The following ZBED6 variants were observed in gnomAD, a reference collection of about 807,000 sequenced individuals.
The protein encoded by ZBED6 is zinc finger BED-type containing 6, also known as zinc finger BED domain-containing protein 6.
Under a neutral mutation model 58.4 loss-of-function variants are expected in ZBED6, and 40 were observed. The ratio of observed to expected loss-of-function variants is 0.68; its 90% CI spans 0.53 to 0.89. The LOEUF is 0.89. Ranked by LOEUF, ZBED6 falls within the 40% of genes least tolerant of loss-of-function variation. The pLI, the probability that ZBED6 is intolerant of heterozygous loss-of-function variation, is 0.00. For missense variants in ZBED6, 1,057 were observed against 1,003.9 expected (o/e 1.05, Z -0.71); for synonymous variants, 439 against 350.6 (o/e 1.25, Z -2.82).
exon 17 of ZBED6, chr1:203,853,924 C>T (rs371833035): frequency 4.4e-4 from 67 of 152,674 alleles, no homozygotes; most frequent in African/African-American, 1.5e-3. Flanking sequence ...CTACTTATTT[C>T]GTTTTTGGAA....
intron 1 of ZBED6, among the ~76,000 whole-genome samples, chr1:203,807,331 G>A (rs1282006132): frequency 4.6e-5 from 7 of 152,098 alleles, no homozygotes; most frequent in African/African-American, 1.2e-4. Context: ...TTTTGCCCAG[G>A]TTGGAATACA....
chr1:203,799,145 A>C, exon 1 of ZBED6: 1 of 1,493,314 alleles, frequency 6.7e-7, no homozygotes, highest in Non-Finnish European at 9.0e-7. Context: ...ATATTTTACA[A>C]GAATTAAATG....
chr1:203,806,976 AT>A (rs1312321909), intron 1 of ZBED6, among the ~76,000 whole-genome samples: 6 of 151,918 alleles, frequency 3.9e-5, no homozygotes, highest in African/African-American at 1.4e-4. Context: ...TCTAGTAAAT[AT>A]AATGAGTTTC....
chr1:203,836,741 A>T (rs542667377), intron 9 of ZBED6, among the ~76,000 whole-genome samples: 1 of 152,236 alleles, frequency 6.6e-6, no homozygotes, highest in African/African-American at 2.4e-5. Flanking sequence ...TTCCCACTGC[A>T]CTCCAGCCTG....
chr1:203,828,903 T>C (rs1681397292), intron 4 of ZBED6, among the ~76,000 whole-genome samples: 1 of 152,240 alleles, frequency 6.6e-6, no homozygotes, highest in Admixed American at 6.5e-5. Flanking sequence ...TTGCCAACCC[T>C]ACTCTAGACT....
At chr1:203,804,917 C>T (rs1671764464) in intron 1 of ZBED6, among the ~76,000 whole-genome samples, 1 of 151,710 alleles carries the variant, frequency 6.6e-6, no homozygotes, top group Non-Finnish European at 1.5e-5. Flanking sequence ...AGGTGATCTG[C>T]CCAACTCGGC....
intron 3 of ZBED6, among the ~76,000 whole-genome samples, chr1:203,822,923 T>TA (rs768942367): frequency 2.6e-5 from 4 of 152,230 alleles, no homozygotes; most frequent in Admixed American, 6.5e-5. Context: ...TGAGACTAAA[T>TA]ATGCAGTTCA....
chr1:203,817,033 T>C (rs373200587), exon 2 of ZBED6: 500 of 1,558,568 alleles, frequency 3.2e-4, no homozygotes, highest in Non-Finnish European at 4.2e-4. Flanking sequence ...CAGTGGCTTG[T>C]TTCAAGAAGC....
chr1:203,844,139 G>C (rs915039410), intron 11 of ZBED6, among the ~76,000 whole-genome samples: 5 of 151,992 alleles, frequency 3.3e-5, no homozygotes, highest in Non-Finnish European at 7.4e-5. Flanking sequence ...TTACAGGCGT[G>C]AGCCACTGTG....
At chr1:203,837,554 C>T (rs1327321378) in intron 9 of ZBED6, among the ~76,000 whole-genome samples, 1 of 151,506 alleles carries the variant, frequency 6.6e-6, no homozygotes, top group African/African-American at 2.4e-5. Context: ...CTCACTGTAG[C>T]CTTTCTACCT....
intron 3 of ZBED6, among the ~76,000 whole-genome samples, chr1:203,826,130 C>CTAATGTAGACATAATGTA (rs1680434841): frequency 3.3e-5 from 5 of 152,110 alleles, no homozygotes; most frequent in Non-Finnish European, 7.4e-5. Context: ...ATTGTTATTC[C>CTAATGTAGACATAATGTA]TGTCTAAAAA....
chr1:203,833,694 T>G (rs1017480577), intron 8 of ZBED6, 97 bp from the exon 9 acceptor site: 66 of 944,022 alleles, frequency 7.0e-5, no homozygotes, highest in Admixed American at 1.5e-4. Flanking sequence ...TCTGGGTGGA[T>G]TTACACTAAT....
chr1:203,797,632 C>T (rs1558085648), exon 1 of ZBED6: 11 of 1,535,824 alleles, frequency 7.2e-6, no homozygotes, highest in Non-Finnish European at 8.7e-6. Flanking sequence ...AATTCTAATA[C>T]AGATGAAGAA....
At chr1:203,828,905 C>T (rs921552180) in intron 4 of ZBED6, among the ~76,000 whole-genome samples, 3 of 152,310 alleles carry the variant, frequency 2.0e-5, no homozygotes, top group African/African-American at 7.2e-5. Context: ...GCCAACCCTA[C>T]TCTAGACTAT....
intron 8 of ZBED6, 145 bp from the exon 9 acceptor site, chr1:203,833,646 G>A: frequency 3.1e-6 from 1 of 319,754 alleles, no homozygotes; most frequent in East Asian, 5.5e-5. Flanking sequence ...TGATATAATG[G>A]CCTTCCTTAA....
exon 17 of ZBED6, chr1:203,852,407 A>G (rs760611223): frequency 6.2e-7 from 1 of 1,611,922 alleles, no homozygotes; most frequent in East Asian, 2.2e-5. Context: ...TGAAGGTGGT[A>G]GTGAGGACAC....
At chr1:203,796,032 C>G (rs1226958568) in exon 1 of ZBED6, 6 of 146,244 alleles carry the variant, frequency 4.1e-5, no homozygotes, top group Admixed American at 4.1e-4. Flanking sequence ...CTCCCCACCC[C>G]CACCCCGTTC....
intron 3 of ZBED6, among the ~76,000 whole-genome samples, chr1:203,822,416 A>G (rs1316037015): frequency 6.6e-6 from 1 of 151,750 alleles, no homozygotes; most frequent in Non-Finnish European, 1.5e-5. Flanking sequence ...GGACCCCAAC[A>G]TCCTACTTTT....
chr1:203,837,493 G>C (rs146617161), intron 9 of ZBED6, among the ~76,000 whole-genome samples: 1 of 146,444 alleles, frequency 6.8e-6, no homozygotes, highest in Non-Finnish European at 1.5e-5. Context: ...TTGCTGTATC[G>C]CCCAGGCAGG....
Sources: gnomAD v4.1 joint callset for allele counts (sites outside exome capture counted in the v4.1 genomes callset) on GRCh38, gnomAD v4.1.1 for gene constraint, MANE v1.5 for transcripts, NCBI Gene and HGNC (gene_info 2026-07-23, HGNC 2026-07-21) for gene names.